CEMIP: variants seen among roughly 807,000 people sequenced by gnomAD.
The protein encoded by CEMIP is cell migration-inducing and hyaluronan-binding protein.
A neutral mutation model predicts 156.9 loss-of-function variants in CEMIP; 105 were observed. The observed-to-expected ratio is 0.67, with a 90% CI of 0.57 to 0.79. CEMIP has a LOEUF of 0.79. Among genes scored for constraint, CEMIP ranks in the 30% least tolerant of loss-of-function variants. CEMIP has a pLI of 0.00. For synonymous variants in CEMIP, 676 were observed against 668.4 expected, an observed-to-expected ratio of 1.01 and a Z score of -0.17; for missense variants, 1,457 against 1,769.4, an observed-to-expected ratio of 0.82 and a Z score of 3.17.
chr15:80,872,386 A>T (rs1434426459), intron 1 of CEMIP, among the ~76,000 whole-genome samples: 3 of 152,232 alleles, frequency 2.0e-5, no homozygotes, highest in Non-Finnish European at 4.4e-5. Flanking sequence ...TCCAAGCGAC[A>T]TTATAGCCTG....
intron 19 of CEMIP, among the ~76,000 whole-genome samples, chr15:80,928,108 G>T (rs528659474): frequency 6.6e-6 from 1 of 152,148 alleles, no homozygotes; most frequent in African/African-American, 2.4e-5. Context: ...ACTTTGAGAT[G>T]AGCCTGGCAG....
At chr15:80,944,912 G>A (rs1231309856) in intron 28 of CEMIP, among the ~76,000 whole-genome samples, 5 of 152,206 alleles carry the variant, frequency 3.3e-5, no homozygotes, top group Admixed American at 6.5e-5. Flanking sequence ...GCCCTTACTG[G>A]AATGGGCCAC....
intron 1 of CEMIP, among the ~76,000 whole-genome samples, chr15:80,851,532 G>A (rs990960936): frequency 2.6e-5 from 4 of 152,172 alleles, no homozygotes; most frequent in African/African-American, 7.2e-5. Context: ...GACCTATGCT[G>A]AATAGAGGTG....
intron 1 of CEMIP, among the ~76,000 whole-genome samples, chr15:80,786,960 T>A (rs547975823): frequency 1.3e-5 from 2 of 152,362 alleles, no homozygotes; most frequent in South Asian, 4.1e-4. Context: ...AAAGCCAAAT[T>A]TGATTGATCG....
At chr15:80,853,344 A>G (rs1421865905) in intron 1 of CEMIP, among the ~76,000 whole-genome samples, 1 of 152,226 alleles carries the variant, frequency 6.6e-6, no homozygotes, top group African/African-American at 2.4e-5. Context: ...CCAGGCCGCA[A>G]GAAGGGACTG....
chr15:80,895,058 T>G lies in CEMIP; in HGVS notation c.1155T>G (p.Phe385Leu), dbSNP rs1321608096. 3 of 1,614,228 alleles carry G rather than the reference T, an allele frequency of 1.9e-6. No homozygotes were observed. The highest frequency in any genetic ancestry group is 2.5e-6 in the Non-Finnish European group (3 of 1,180,032). ...VVYKKGQDYRFACYDRGRACR... is the reference protein window; with the variant it reads ...VVYKKGQDYRLACYDRGRACR... The stretch of plus-strand genomic sequence containing the variant: ...ACAAAAAAGGCCAGGATTATAGGTT[T>G]GCTTGCTACGACCGGGGCAGAGCCT... Residue 385 changes from phenylalanine to leucine, a missense_variant, in exon 11 of 30, where the codon TTT becomes TTG. Around this residue, in one of 5 missense-constraint regions of CEMIP, gnomAD observed 280 missense variants for 300.3 expected, o/e 0.93. Transcript: ENST00000394685.
At chr15:80,812,645 T>C (rs1209224881) in intron 1 of CEMIP, among the ~76,000 whole-genome samples, 1 of 152,190 alleles carries the variant, frequency 6.6e-6, no homozygotes, top group Non-Finnish European at 1.5e-5. Flanking sequence ...TTAAATTACA[T>C]TGGAAGAATT....
chr15:80,932,817 C>T lies in CEMIP; in HGVS notation c.2794-428C>T, dbSNP rs573533075. 4.6e-5 allele frequency among the ~76,000 whole-genome samples: 7 copies of T among 152,324 alleles called. No homozygotes were observed. The highest frequency in any genetic ancestry group is 9.6e-5 in the African/African-American group (4 of 41,576). On this transcript the variant is annotated intron_variant, in intron 22 of 29. Transcript: ENST00000394685. This position sits in a 1 kb window ranked among gnomAD's most constrained non-coding sequence, Gnocchi z 4.5. ...TGCCACATGCATCTTCTCTCGCACACGGATGCCCCCGTGTATGTGTGTGTG... is the reference window on the plus strand; with the variant it reads ...TGCCACATGCATCTTCTCTCGCACATGGATGCCCCCGTGTATGTGTGTGTG...
At chr15:80,917,305 AGGAG>A (rs1900310518) in intron 14 of CEMIP, among the ~76,000 whole-genome samples, 1 of 152,012 alleles carries the variant, frequency 6.6e-6, no homozygotes, top group Admixed American at 6.6e-5. Flanking sequence ...GGCAGGAGGC[AGGAG>A]GCAGGAGGCA....
At chr15:80,881,188 T>C (rs780598299) in intron 6 of CEMIP, 52 bp downstream of exon 6, 4 of 1,485,486 alleles carry the variant, frequency 2.7e-6, no homozygotes, top group South Asian at 1.1e-5. Context: ...AGTACACTTA[T>C]TGAGTGTGCT....
chr15:80,805,374 C>G (rs567462947), intron 1 of CEMIP, among the ~76,000 whole-genome samples: 1 of 152,302 alleles, frequency 6.6e-6, no homozygotes, highest in East Asian at 1.9e-4. Context: ...AACAAGCAGA[C>G]CTTCTTTTCA....
chr15:80,857,654 CT>C (rs1897886483), intron 1 of CEMIP, among the ~76,000 whole-genome samples: 1 of 152,198 alleles, frequency 6.6e-6, no homozygotes, highest in Non-Finnish European at 1.5e-5. Context: ...GGCAAGACCT[CT>C]GGTTTCTAAC....
chr15:80,847,629 T>C (rs1175040989), intron 1 of CEMIP, among the ~76,000 whole-genome samples: 1 of 152,198 alleles, frequency 6.6e-6, no homozygotes, highest in African/African-American at 2.4e-5. Flanking sequence ...CAGCTGCAAT[T>C]TGTGCCTGTG....
At chr15:80,784,535 C>T (rs946905503) in intron 1 of CEMIP, among the ~76,000 whole-genome samples, 1 of 152,152 alleles carries the variant, frequency 6.6e-6, no homozygotes. Context: ...TTTTCTGTGG[C>T]TCTGCCAGTC....
chr15:80,926,127 A>T (rs1596196595), intron 19 of CEMIP, among the ~76,000 whole-genome samples: 1 of 152,236 alleles, frequency 6.6e-6, no homozygotes, highest in African/African-American at 2.4e-5. Flanking sequence ...CTTTCTTACC[A>T]TGTTTCTCAA....
chr15:80,841,580 TG>T (rs1179522174), intron 1 of CEMIP, among the ~76,000 whole-genome samples: 1 of 152,256 alleles, frequency 6.6e-6, no homozygotes, highest in Admixed American at 6.5e-5. Flanking sequence ...GCCCTTAACC[TG>T]ATCTCCTGCT....
At chr15:80,847,754 C>T (rs1897598975) in intron 1 of CEMIP, among the ~76,000 whole-genome samples, 1 of 152,176 alleles carries the variant, frequency 6.6e-6, no homozygotes, top group South Asian at 2.1e-4. Context: ...CTGGCAAAAC[C>T]GTGGGTTTCT....
chr15:80,929,876 G>A (rs957606519), intron 21 of CEMIP, among the ~76,000 whole-genome samples: 7 of 152,244 alleles, frequency 4.6e-5, no homozygotes, highest in African/African-American at 1.4e-4. Flanking sequence ...GGTGGGTGGA[G>A]AATGAATGGG....
intron 1 of CEMIP, among the ~76,000 whole-genome samples, chr15:80,854,082 T>G (rs1897780710): frequency 6.6e-6 from 1 of 152,252 alleles, no homozygotes; most frequent in South Asian, 2.1e-4. Context: ...CCCCTGGGCC[T>G]CTGCAGGCCC....
Sources: gnomAD v4.1 joint callset for allele counts (sites outside exome capture counted in the v4.1 genomes callset) on GRCh38, gnomAD v4.1.1 for gene constraint, gnomAD v4.1.1 regional missense constraint, Gnocchi (gnomAD v3.1) non-coding constraint, MANE v1.5 for transcripts, NCBI Gene and HGNC (gene_info 2026-07-23, HGNC 2026-07-21) for gene names.